Variants in G6PC2 observed in about 807,000 individuals in gnomAD.
G6PC2 encodes the protein glucose-6-phosphatase 2.
Under a neutral mutation model 35.4 loss-of-function variants are expected in G6PC2, and 41 were observed. That is an observed-to-expected ratio of 1.16 (90% CI 0.90 to 1.50). The LOEUF (loss-of-function observed/expected upper bound fraction) is 1.50. Ranked by LOEUF, G6PC2 falls within the 40% of genes most tolerant of loss-of-function variation. G6PC2 has a pLI of 0.00. For missense variants in G6PC2, 441 were observed against 426.5 expected (o/e 1.03, Z -0.30); for synonymous variants, 165 against 153.2 (o/e 1.08, Z -0.57).
In G6PC2 at chr2:168,909,447, A is replaced by G. The variant is rs1158476635; in HGVS notation, c.*1368A>G. 1 of 152,244 alleles carries G rather than the reference A, an allele frequency of 6.6e-6. No individual in the cohort carries two copies. Among genetic ancestry groups the G allele is most frequent in the Non-Finnish European group, 1.5e-5 (1 of 68,046 alleles). The allele number at this position is 152,244 out of a possible 1,614,324, so 9.4% of individuals were successfully genotyped here. A position where few individuals can be genotyped will look rare whatever the true frequency, so the allele number is the denominator to read the frequency against. On this transcript the variant is annotated 3_prime_UTR_variant, in exon 5 of 5. Coordinates refer to ENST00000375363, the MANE Select transcript of G6PC2 (RefSeq NM_021176.3). ...CCAGAGAAATCAGGTGCCTTCCTCA[A>G]GGTCATGCTCCAACCCAGGCCAACT...
rs1559165516 is a variant in G6PC2, at chr2:168,907,515, T to C, written c.557-53T>C. 14 of 1,565,384 alleles carry C rather than the reference T, an allele frequency of 8.9e-6. No homozygotes were observed. The East Asian group carries it at 3.1e-4, about 35-fold the overall frequency. On this transcript the variant is annotated intron_variant, in intron 4 of 4. Coordinates refer to ENST00000375363, the MANE Select transcript of G6PC2 (RefSeq NM_021176.3). Reference sequence around the variant, plus strand: ...TCTTTAATGCAGAGAGGAATGATCCTCGAGGGGCTCAAGGGCACACAGTCA... The same window carrying C: ...TCTTTAATGCAGAGAGGAATGATCCCCGAGGGGCTCAAGGGCACACAGTCA...
rs183614580 is a variant in G6PC2, at chr2:168,909,714, C to G, written c.*1635C>G. 1.3e-5 allele frequency: 2 copies of G among 152,136 alleles called. No homozygotes were observed. The highest frequency in any genetic ancestry group is 3.9e-4 in the East Asian group (2 of 5,184). 9.4% of individuals were successfully genotyped at this position (152,136 alleles called of 1,614,324 possible). A position where few individuals can be genotyped will look rare whatever the true frequency, so the allele number is the denominator to read the frequency against. On this transcript the variant is annotated 3_prime_UTR_variant, in exon 5 of 5. Transcript: ENST00000375363. The stretch of plus-strand genomic sequence containing the variant: ...ATTTTGCTAGATATCTTAGTAATCC[C>G]CCACAATGTTTTATGTAACTCTTCT...
At position 168,909,651 on chromosome 2, in the gene G6PC2, C is replaced by A. The variant is rs1296791713; in HGVS notation, c.*1572C>A. On this transcript the variant is annotated 3_prime_UTR_variant, in exon 5 of 5. Transcript: ENST00000375363. Reference sequence around the variant, plus strand: ...GGAATGCTGGGCTTTAAGTTGATAACTGTGTCATTTCAATCAAGTACAAGG... The same window carrying A: ...GGAATGCTGGGCTTTAAGTTGATAAATGTGTCATTTCAATCAAGTACAAGG... 6.6e-6 allele frequency: 1 copy of A among 152,106 alleles called. No homozygotes were observed. The highest frequency in any genetic ancestry group is 6.5e-5 in the Admixed American group (1 of 15,268). The allele number at this position is 152,106 out of a possible 1,614,324, so 9.4% of individuals were successfully genotyped here. A position where few individuals can be genotyped will look rare whatever the true frequency, so the allele number is the denominator to read the frequency against.
rs1013718370 is a variant in G6PC2, at chr2:168,908,428, A to G, written c.*349A>G. ...TAGGAGGCAAGGACTCCATTTTCTC[A>G]CAGTCTTCAGCATCCCAGCAGGAGC... On this transcript the variant is annotated 3_prime_UTR_variant, in exon 5 of 5. Transcript: ENST00000375363. 5.7e-6 allele frequency: 2 copies of G among 350,274 alleles called. No individual in the cohort carries two copies. Among genetic ancestry groups the G allele is most frequent in the African/African-American group, 4.2e-5 (2 of 47,552 alleles). The allele number at this position is 350,274 out of a possible 1,614,324, so 21.7% of individuals were successfully genotyped here. A position where few individuals can be genotyped will look rare whatever the true frequency, so the allele number is the denominator to read the frequency against.
At chr2:168,903,133 G>A (rs1690635399) in intron 2 of G6PC2, 1 of 152,990 alleles carries the variant, frequency 6.5e-6, no homozygotes, top group African/African-American at 2.4e-5. Context: ...TTCTGTATGA[G>A]TATAAAATCT....
In G6PC2 at chr2:168,901,424, T is replaced by C. The variant is rs1690589802; in HGVS notation, c.93T>C (p.Asn31=). The change falls in exon 1 of 5, where the codon AAT becomes AAC. Residue 31 remains asparagine (N), a synonymous_variant. Coordinates refer to ENST00000375363, the MANE Select transcript of G6PC2 (RefSeq NM_021176.3). ...AYYTFLNFMS[N]VGDPRNIFFI... ...ACACTTTTCTAAATTTTATGTCCAA[T>C]GTTGGAGACCCCAGGAATATCTTTT... 5.0e-6 allele frequency: 8 copies of C among 1,597,016 alleles called. No homozygotes were observed. Among genetic ancestry groups the C allele is most frequent in the Non-Finnish European group, 6.9e-6 (8 of 1,164,332 alleles).
At chr2:168,907,045 T>A (rs1264625531) in intron 4 of G6PC2, among the ~76,000 whole-genome samples, 1 of 152,182 alleles carries the variant, frequency 6.6e-6, no homozygotes, top group East Asian at 1.9e-4. Context: ...GAGCTAAGTC[T>A]AACTCCCAAA....
At position 168,901,422 on chromosome 2, in the gene G6PC2, A is replaced by G. The variant is rs1690589638; in HGVS notation, c.91A>G (p.Asn31Asp). 6.3e-7 allele frequency: 1 copy of G among 1,596,982 alleles called. No individual in the cohort carries two copies. Among genetic ancestry groups the G allele is most frequent in the Non-Finnish European group, 8.6e-7 (1 of 1,164,358 alleles). Residue 31 changes from asparagine to aspartate, a missense_variant, in exon 1 of 5, where the codon AAT becomes GAT. By Grantham distance (23) the Asn-to-Asp change is conservative (BLOSUM62 1). Transcript: ENST00000375363. ...AYYTFLNFMS[N>D]VGDPRNIFFI... ...CTACACTTTTCTAAATTTTATGTCC[A>G]ATGTTGGAGACCCCAGGAATATCTT...
At chr2:168,902,314 C>T in intron 1 of G6PC2, 131 bp from the exon 2 acceptor site, 1 of 652,406 alleles carries the variant, frequency 1.5e-6, no homozygotes, top group Non-Finnish European at 2.7e-6. Context: ...TTTTCAAAGT[C>T]TCTTAATCAT....
intron 4 of G6PC2, among the ~76,000 whole-genome samples, chr2:168,907,026 G>T (rs1690727664): frequency 6.6e-6 from 1 of 152,172 alleles, no homozygotes; most frequent in Non-Finnish European, 1.5e-5. Flanking sequence ...CTTTTCTGAA[G>T]TGAAATTAGA....
chr2:168,906,754 T>A lies in G6PC2; in HGVS notation c.531T>A (p.His177Gln). The A allele has an allele frequency of 1.9e-6, 3 of 1,570,408 alleles. No homozygotes were observed. Among genetic ancestry groups the A allele is most frequent in the Non-Finnish European group, 2.6e-6 (3 of 1,140,076 alleles). The change falls in exon 4 of 5, where the codon CAT (histidine) becomes CAA (glutamine). Residue 177 changes from histidine (H) to glutamine (Q), a missense_variant. Coordinates refer to ENST00000375363, the MANE Select transcript of G6PC2 (RefSeq NM_021176.3). ...TATTCATAGCAACACATTTTCCTCA[T>A]CAAGTTATTCTTGGAGTAATTGGTG... ...SRVFIATHFP[H>Q]QVILGVIGGM...
At position 168,902,568 on chromosome 2, in the gene G6PC2, G is replaced by T. The variant is rs776116629; in HGVS notation, c.328+14G>T. ...AAACAGGTCCAGGTAAGCTATTACA[G>T]CAGGCTCCAGTTACTGAAGATCTTC... On this transcript the variant is annotated intron_variant, in intron 2 of 4. Coordinates refer to ENST00000375363, the MANE Select transcript of G6PC2 (RefSeq NM_021176.3). 7.9e-6 allele frequency: 8 copies of T among 1,006,482 alleles called. No homozygotes were observed. The highest frequency in any genetic ancestry group is 2.0e-4 in the Middle Eastern group (1 of 4,898). The allele number at this position is 1,006,482 out of a possible 1,614,324, so 62.3% of individuals were successfully genotyped here.
chr2:168,902,476 G>A lies in G6PC2; in HGVS notation c.250G>A (p.Val84Ile), dbSNP rs1397663242. 3 of 1,555,242 alleles carry A rather than the reference G, an allele frequency of 1.9e-6. No individual in the cohort carries two copies. Among genetic ancestry groups the A allele is most frequent in the Middle Eastern group, 3.4e-4 (2 of 5,950 alleles). The change falls in exon 2 of 5, where the codon GTC (valine) becomes ATC (isoleucine). Residue 84 changes from valine to isoleucine, a missense_variant. Val to Ile is a conservative substitution (Grantham distance 29, BLOSUM62 3). Transcript: ENST00000375363. ...ILFGHRPYWW[V>I]QETQIYPNHS... ...ATTTGGTCATCGACCTTACTGGTGG[G>A]TCCAAGAAACTCAGATTTACCCAAA...
rs1484519160 is a variant in G6PC2, at chr2:168,907,905, G to T, written c.894G>T (p.Leu298Phe). The T allele has an allele frequency of 6.2e-7, 1 of 1,614,016 alleles. No individual in the cohort carries two copies. Among genetic ancestry groups the T allele is most frequent in the South Asian group, 1.1e-5 (1 of 91,072 alleles). ...TGAGCTTCCGGTTGCTCTGTGCCTT[G>T]ACCTCATTGACAATACTGCAGCTCT... ...YTLSFRLLCA[L>F]TSLTILQLYH... is the part of the protein sequence containing the mutation. The change falls in exon 5 of 5, where the codon TTG (leucine) becomes TTT (phenylalanine). Residue 298 changes from leucine (L) to phenylalanine (F), a missense_variant. Transcript: ENST00000375363.
rs1239263746 is a variant in G6PC2, at chr2:168,909,514, TACTGA to T, written c.*1440_*1444del. 1 of 152,250 alleles carries T rather than the reference TACTGA, an allele frequency of 6.6e-6. No homozygotes were observed. The highest frequency in any genetic ancestry group is 1.5e-5 in the Non-Finnish European group (1 of 68,030). 9.4% of individuals were successfully genotyped at this position (152,250 alleles called of 1,614,324 possible). On this transcript the variant is annotated 3_prime_UTR_variant, in exon 5 of 5. Coordinates refer to ENST00000375363, the MANE Select transcript of G6PC2 (RefSeq NM_021176.3). ...TGTTAGCTGGATTAGTCTCTATGTA[TACTGA>T]ACTGTGATGAAAATCTATAGCTTTG...
chr2:168,906,641 T>G, intron 3 of G6PC2, 23 bp from the exon 4 acceptor site: 1 of 1,171,838 alleles, frequency 8.5e-7, no homozygotes, highest in South Asian at 1.2e-5. Flanking sequence ...CTTTTTATGC[T>G]TGTATCTATT....
Position 168,902,328 on chromosome 2 carries a change from C to T in G6PC2, c.219-117C>T, listed in dbSNP as rs2232317. ...TTTTTCAAAGTCTCTTAATCATGAA[C>T]TTTCACAATTAACCCTGCGCTTGAG... On this transcript the variant is annotated intron_variant, in intron 1 of 4. Coordinates refer to ENST00000375363, the MANE Select transcript of G6PC2 (RefSeq NM_021176.3). 719 of 671,686 alleles carry T rather than the reference C, an allele frequency of 1.1e-3. 1 individual carries two copies. The African/African-American group carries it at 0.011, about 11-fold the overall frequency. The allele number at this position is 671,686 out of a possible 1,614,324, so 41.6% of individuals were successfully genotyped here.
chr2:168,906,913 G>T, intron 4 of G6PC2, 134 bp downstream of exon 4: 7 of 712,152 alleles, frequency 9.8e-6, no homozygotes, highest in South Asian at 7.4e-5. Context: ...GATACTAAAT[G>T]CTACCCCGGG....
chr2:168,902,004 G>A, intron 1 of G6PC2, among the ~76,000 whole-genome samples: 1 of 152,118 alleles, frequency 6.6e-6, no homozygotes, highest in Admixed American at 6.5e-5. Flanking sequence ...CTAAAGTGCT[G>A]GGATTACAGG....
Sources: allele counts gnomAD v4.1 joint callset (sites outside exome capture counted in the v4.1 genomes callset), GRCh38; gene constraint gnomAD v4.1.1; transcripts MANE v1.5; gene names NCBI Gene and HGNC (gene_info 2026-07-23, HGNC 2026-07-21).